LIPA: variants seen among roughly 807,000 people sequenced by gnomAD.
The protein encoded by LIPA is lipase A, lysosomal acid type.
A neutral mutation model predicts 40.6 loss-of-function variants in LIPA; 26 were observed. The ratio of observed to expected loss-of-function variants is 0.64; its 90% CI spans 0.47 to 0.89. The LOEUF is 0.89. Among genes scored for constraint, LIPA ranks in the 40% least tolerant of loss-of-function variants. The pLI, the probability that LIPA is intolerant of heterozygous loss-of-function variation, is 0.00. For missense variants in LIPA, 455 were observed against 479.6 expected, an observed-to-expected ratio of 0.95 and a Z score of 0.48; for synonymous variants, 188 against 168.4, an observed-to-expected ratio of 1.12 and a Z score of -0.90.
rs1842735151 is a variant in LIPA, at chr10:89,223,964, G to A, written c.676-134C>T. The A allele has an allele frequency of 5.9e-6, 5 of 842,602 alleles. No homozygotes were observed. In the East Asian group the frequency reaches 1.3e-4, roughly 21 times the overall value. The allele number at this position is 842,602 out of a possible 1,614,324, so 52.2% of individuals were successfully genotyped here. Reference sequence around the variant, plus strand: ...GCCTCAGGAGAGAATGGCAACCAGTGGACATCAAATCAGGATGCTTTTGCA... The same window carrying A: ...GCCTCAGGAGAGAATGGCAACCAGTAGACATCAAATCAGGATGCTTTTGCA... On this transcript the variant is annotated intron_variant, in intron 6 of 9. Transcript: ENST00000336233.
At chr10:89,298,120 T>A (rs1346341259) in intron 1 of LIPA, among the ~76,000 whole-genome samples, 1 of 152,178 alleles carries the variant, frequency 6.6e-6, no homozygotes, top group Non-Finnish European at 1.5e-5. Flanking sequence ...ATTGCCCAGA[T>A]CACATCAGCT....
chr10:89,402,155 A>G (rs1448973678), intron 2 of LIPA: 1 of 657,554 alleles, frequency 1.5e-6, no homozygotes, highest in Non-Finnish European at 2.6e-6. Flanking sequence ...AAATACATTA[A>G]CTTTAATGAA....
intron 1 of LIPA, among the ~76,000 whole-genome samples, chr10:89,329,154 C>T (rs1430863563): frequency 2.0e-5 from 3 of 152,120 alleles, no homozygotes; most frequent in African/African-American, 7.2e-5. Context: ...GGAGGGAAGA[C>T]CCCATCGACC....
At chr10:89,235,573 G>A (rs1177328784) in intron 3 of LIPA, among the ~76,000 whole-genome samples, 3 of 152,246 alleles carry the variant, frequency 2.0e-5, no homozygotes, top group Admixed American at 1.3e-4. Context: ...CAGTCCCGCA[G>A]GAGGAAGATG....
At chr10:89,401,790 GAA>G (rs59639947) in intron 2 of LIPA, among the ~76,000 whole-genome samples, 2,892 of 146,724 alleles carry the variant, frequency 0.02, 102 homozygotes, top group African/African-American at 0.065. Context: ...AAAAAAAAAT[GAA>G]AAAAAAAAAA....
upstream of LIPA, among the ~76,000 whole-genome samples, chr10:89,255,366 C>T (rs1843175773): frequency 6.6e-6 from 1 of 152,172 alleles, no homozygotes; most frequent in Non-Finnish European, 1.5e-5. Flanking sequence ...CATCAGATCT[C>T]ATGAGACCTA....
At chr10:89,355,140 T>C (rs1357047803) in intron 2 of LIPA, among the ~76,000 whole-genome samples, 1 of 152,206 alleles carries the variant, frequency 6.6e-6, no homozygotes, top group Non-Finnish European at 1.5e-5. Flanking sequence ...TGTGAATTGT[T>C]TAACCTCAGG....
At position 89,352,024 on chromosome 10, in the gene LIPA, G is replaced by A. The variant is rs551850820; in HGVS notation, c.61+60767C>T. ...CCTTAAAAACTGAGTGCCCGGCCAC[G>A]ATGGAATGTAAAGTCAGACACACCC... On this transcript the variant is annotated intron_variant, in intron 2 of 8. Transcript: ENST00000371837. 3.3e-5 allele frequency among the ~76,000 whole-genome samples: 5 copies of A among 152,276 alleles called. No homozygotes were observed. In the South Asian group the frequency reaches 1.0e-3, roughly 32 times the overall value.
intron 1 of LIPA, among the ~76,000 whole-genome samples, chr10:89,295,111 T>G (rs1187019532): frequency 7.2e-6 from 1 of 138,024 alleles, no homozygotes; most frequent in East Asian, 2.1e-4. Context: ...AGCTATTTTA[T>G]TAACTATATC....
At chr10:89,402,727 A>G in intron 2 of LIPA, 1 of 1,614,216 alleles carries the variant, frequency 6.2e-7, no homozygotes, top group Non-Finnish European at 8.5e-7. Context: ...GCCTTGCTGA[A>G]GTGTGGAGGA....
rs185485902 is a variant in LIPA at position 89,229,677 on chromosome 10, C to T, written c.230-1279G>A. ...CTGAGGCAGGAGAATTGCTTGAACC[C>T]GGGAGGCAGAGGTTGCAGTGAGCCA... On this transcript the variant is annotated intron_variant, in intron 3 of 9. Coordinates refer to ENST00000336233, the MANE Select transcript of LIPA (RefSeq NM_000235.4). Among the ~76,000 whole-genome samples the T allele has an allele frequency of 4.3e-4, 64 of 149,582 alleles. 1 individual carries two copies. The highest frequency in any genetic ancestry group is 1.4e-3 in the African/African-American group (58 of 40,374).
rs567188182 is a variant in LIPA at position 89,413,649 on chromosome 10, C to A, written c.-71-727G>T. Among the ~76,000 whole-genome samples, 10 of 152,074 alleles carry A rather than the reference C, an allele frequency of 6.6e-5. No individual in the cohort carries two copies. In the South Asian group the frequency reaches 1.9e-3, roughly 28 times the overall value. On this transcript the variant is annotated intron_variant, in intron 1 of 8. Coordinates refer to the LIPA transcript ENST00000371837. ...CGACATAGTGGTGCACGCATATAGT[C>A]CCAGCCACTCAGGAGGCTGAGGTGG...
At chr10:89,378,137 T>A in intron 2 of LIPA, 4 of 1,614,028 alleles carry the variant, frequency 2.5e-6, no homozygotes, top group Non-Finnish European at 3.4e-6. Flanking sequence ...CATAGCACCA[T>A]GAGGTAAAGT....
At chr10:89,271,162 G>A (rs1453444952) in intron 1 of LIPA, among the ~76,000 whole-genome samples, 2 of 152,190 alleles carry the variant, frequency 1.3e-5, no homozygotes, top group Non-Finnish European at 2.9e-5. Flanking sequence ...AGTTCCATGT[G>A]ACCAGTTGAC....
chr10:89,364,765 C>T (rs1488809288), intron 2 of LIPA, among the ~76,000 whole-genome samples: 1 of 151,852 alleles, frequency 6.6e-6, no homozygotes, highest in Non-Finnish European at 1.5e-5. Flanking sequence ...ATTTGAGATG[C>T]ACAAGTAGTG....
At chr10:89,317,914 A>C (rs1843549933) in intron 1 of LIPA, among the ~76,000 whole-genome samples, 1 of 152,216 alleles carries the variant, frequency 6.6e-6, no homozygotes, top group Non-Finnish European at 1.5e-5. Context: ...GCCAATATTC[A>C]ACATTCTTAA....
chr10:89,383,647 G>A lies in LIPA; in HGVS notation c.61+29144C>T, dbSNP rs771089871. ...GGTGTATTACCACATGGGCAGATTG[G>A]CAGAAGCCCAGACTTACCTGGACAA... On this transcript the variant is annotated intron_variant, in intron 2 of 8. Transcript: ENST00000371837. The A allele has an allele frequency of 3.0e-5, 48 of 1,614,108 alleles. No individual in the cohort carries two copies. The highest frequency in any genetic ancestry group is 3.3e-4 in the Middle Eastern group (2 of 6,084).
chr10:89,405,217 C>T (rs953480030), intron 2 of LIPA: 3 of 151,952 alleles, frequency 2.0e-5, no homozygotes, highest in Non-Finnish European at 4.4e-5. Flanking sequence ...TTGTTTTATG[C>T]CATTTTATTT....
chr10:89,316,450 C>A (rs1843541996), intron 1 of LIPA, among the ~76,000 whole-genome samples: 1 of 152,238 alleles, frequency 6.6e-6, no homozygotes, highest in Non-Finnish European at 1.5e-5. Flanking sequence ...GTCCCATGCC[C>A]AGGGAGCCTT....
Sources: allele counts gnomAD v4.1 joint callset (sites outside exome capture counted in the v4.1 genomes callset), GRCh38; gene constraint gnomAD v4.1.1; transcripts MANE v1.5; gene names NCBI Gene and HGNC (gene_info 2026-07-23, HGNC 2026-07-21).